Variants in GLTP observed in about 807,000 individuals in gnomAD.
GLTP encodes glycolipid transfer protein.
GLTP carries 22 observed loss-of-function variants against 24.0 expected under a neutral mutation model. The ratio of observed to expected loss-of-function variants is 0.92; its 90% confidence interval spans 0.65 to 1.31. GLTP has a LOEUF of 1.31. Among genes scored for constraint, GLTP ranks in the 50% most tolerant of loss-of-function variants. GLTP has a pLI of 0.00. For synonymous variants in GLTP, 92 were observed against 115.9 expected (o/e 0.79, Z 1.33); for missense variants, 224 against 276.6 (o/e 0.81, Z 1.35).
At position 109,874,405 on chromosome 12, in the gene GLTP, T is replaced by G. The variant is rs1035110617; in HGVS notation, c.103+5867A>C. ...CTTTCTGGGTTCACTCTAGGACTAT[T>G]TAATGCGTGCCGGATACCTAGAAGG... On this transcript the variant is annotated intron_variant, in intron 1 of 4. Transcript: ENST00000318348. Among the ~76,000 whole-genome samples the G allele has an allele frequency of 3.3e-5, 5 of 152,204 alleles. No homozygotes were observed. The South Asian group carries it at 1.0e-3, about 32-fold the overall frequency.
intron 1 of GLTP, among the ~76,000 whole-genome samples, chr12:109,859,205 C>A (rs542686234): frequency 6.6e-6 from 1 of 152,284 alleles, no homozygotes; most frequent in African/African-American, 2.4e-5. Context: ...CAGGCACGCA[C>A]CATCATACCC....
intron 1 of GLTP, among the ~76,000 whole-genome samples, chr12:109,863,809 C>A (rs1432969255): frequency 6.6e-6 from 1 of 151,988 alleles, no homozygotes; most frequent in East Asian, 1.9e-4. Context: ...TCAACCAAAG[C>A]CTTCCAGTGA....
At chr12:109,875,567 A>G (rs761846126) in intron 1 of GLTP, among the ~76,000 whole-genome samples, 2 of 152,218 alleles carry the variant, frequency 1.3e-5, no homozygotes, top group African/African-American at 2.4e-5. Flanking sequence ...TTGACCTTCA[A>G]AATGAGAAAG....
intron 1 of GLTP, among the ~76,000 whole-genome samples, chr12:109,873,831 C>T (rs1868804453): frequency 6.6e-6 from 1 of 152,080 alleles, no homozygotes; most frequent in African/African-American, 2.4e-5. Context: ...CACACACACA[C>T]ACACACACAA....
At chr12:109,856,456 T>G (rs1285915604) in intron 3 of GLTP, among the ~76,000 whole-genome samples, 1 of 152,138 alleles carries the variant, frequency 6.6e-6, no homozygotes, top group African/African-American at 2.4e-5. Context: ...GAGGCTGAGC[T>G]TGGCACAATC....
At chr12:109,878,460 C>T (rs189671056) in intron 1 of GLTP, among the ~76,000 whole-genome samples, 37 of 152,234 alleles carry the variant, frequency 2.4e-4, no homozygotes, top group Middle Eastern at 3.4e-3. Flanking sequence ...ACAAAAATGC[C>T]TCCAGGCATT....
chr12:109,867,387 G>A (rs549692607), intron 1 of GLTP, among the ~76,000 whole-genome samples: 9 of 152,088 alleles, frequency 5.9e-5, no homozygotes, highest in African/African-American at 1.4e-4. Flanking sequence ...GAGCTCAAGC[G>A]ATCCACCCAC....
At position 109,880,498 on chromosome 12, in the gene GLTP, C is replaced by T. The variant is rs987775413; in HGVS notation, c.-124G>A. ...CCGCCGCAGGCTCCGGGGACGCCAG[C>T]GTCGCCACTTCCGCCCGCACGGCGC... On this transcript the variant is annotated 5_prime_UTR_variant, in exon 1 of 5. Transcript: ENST00000318348. This position sits in a 1 kb window ranked among gnomAD's most constrained non-coding sequence, Gnocchi z 5.1. 37 of 226,942 alleles carry T rather than the reference C, an allele frequency of 1.6e-4. No homozygotes were observed. Among genetic ancestry groups the T allele is most frequent in the African/African-American group, 8.4e-4 (36 of 42,720 alleles). 14.1% of individuals were successfully genotyped at this position (226,942 alleles called of 1,614,324 possible).
chr12:109,857,580 T>C lies in GLTP; in HGVS notation c.242A>G (p.Tyr81Cys), dbSNP rs140842833. The C allele has an allele frequency of 1.4e-4, 228 of 1,613,976 alleles. No individual in the cohort carries two copies. The highest frequency in any genetic ancestry group is 1.8e-4 in the Non-Finnish European group (214 of 1,179,974). ...QNILEVEKEMYGAEWPKVGAT... is the reference protein window; with the variant it reads ...QNILEVEKEMCGAEWPKVGAT... Reference sequence around the variant, plus strand: ...CCCTACTTTGGGCCACTCTGCTCCATACATTTCTTTCTCCACCTCCAGGAT... The same window carrying C: ...CCCTACTTTGGGCCACTCTGCTCCACACATTTCTTTCTCCACCTCCAGGAT... The change falls in exon 3 of 5, where the codon TAT becomes TGT. Residue 81 changes from tyrosine to cysteine, a missense_variant. Transcript: ENST00000318348. This position sits in a 1 kb window ranked among gnomAD's most constrained non-coding sequence, Gnocchi z 4.3.
chr12:109,853,274 T>C (rs1196867265), intron 4 of GLTP, among the ~76,000 whole-genome samples: 2 of 152,160 alleles, frequency 1.3e-5, no homozygotes, highest in South Asian at 2.1e-4. Flanking sequence ...CTGTAGTCTC[T>C]CTTTTGTCCT....
intron 4 of GLTP, among the ~76,000 whole-genome samples, chr12:109,854,353 G>A (rs1025946862): frequency 1.2e-4 from 15 of 123,566 alleles, no homozygotes; most frequent in African/African-American, 3.6e-4. Context: ...GCGACAGAGT[G>A]AGACCCTGTC....
In GLTP at chr12:109,855,559, C is replaced by T; in HGVS notation, c.447+60G>A. The T allele has an allele frequency of 6.9e-7, 1 of 1,450,184 alleles. No homozygotes were observed. The allele number at this position is 1,450,184 out of a possible 1,614,324, so 89.8% of individuals were successfully genotyped here. A position where few individuals can be genotyped will look rare whatever the true frequency, so the allele number is the denominator to read the frequency against. ...CCAGGAGGCCTCGGCTAAGCAGGGGCAGAGTGGGGAGCAGAATCTGCAAGC... is the reference window on the plus strand; with the variant it reads ...CCAGGAGGCCTCGGCTAAGCAGGGGTAGAGTGGGGAGCAGAATCTGCAAGC... On this transcript the variant is annotated intron_variant, in intron 4 of 4. Coordinates refer to ENST00000318348, the MANE Select transcript of GLTP (RefSeq NM_016433.4). The surrounding 1 kb of genome is among the most constrained non-coding windows in gnomAD (Gnocchi z 4.1).
rs781217133 is a variant in GLTP, at chr12:109,858,536, T to C, written c.162+147A>G. On this transcript the variant is annotated intron_variant, in intron 2 of 4. Transcript: ENST00000318348. ...GAGGGCAGAGAACATTGAGCCCTGA[T>C]TGGACAAGCTTGGGGCCCATCTTCC... The C allele has an allele frequency of 2.3e-4, 161 of 691,792 alleles. 1 individual carries two copies. Among genetic ancestry groups the C allele is most frequent in the South Asian group, 1.4e-3 (88 of 61,292 alleles). 42.9% of individuals were successfully genotyped at this position (691,792 alleles called of 1,614,324 possible).
chr12:109,853,804 G>A (rs776218798), intron 4 of GLTP, among the ~76,000 whole-genome samples: 20 of 151,480 alleles, frequency 1.3e-4, no homozygotes, highest in Middle Eastern at 6.8e-3. Context: ...AGTCAGTGGC[G>A]TGATCTTGGT....
rs775784984 is a variant in GLTP at position 109,880,336 on chromosome 12, G to C, written c.39C>G (p.Pro13=). The C allele has an allele frequency of 1.1e-5, 17 of 1,603,840 alleles. No individual in the cohort carries two copies. The highest frequency in any genetic ancestry group is 8.1e-5 in the African/African-American group (6 of 74,216). ...LLAEHLLKPL[P]ADKQIETGPF... ...GCCCGGTCTCGATCTGCTTGTCCGC[G>C]GGCAGCGGCTTCAGCAAGTGTTCGG... The change falls in exon 1 of 5, where the codon CCC becomes CCG. Residue 13 remains proline (P), a synonymous_variant. Transcript: ENST00000318348. This position sits in a 1 kb window ranked among gnomAD's most constrained non-coding sequence, Gnocchi z 5.1.
Position 109,852,634 on chromosome 12 carries a change from A to C in GLTP, c.551T>G (p.Leu184Arg). ...EECLEKIRLF[L>R]VNYTATIDVI... ...ATCGATGGTCGCCGTGTAGTTGACT[A>C]GGAAGAGGCGGATCTTCTCCAGGCA... is the stretch of plus-strand genomic sequence containing the variant. The change falls in exon 5 of 5, where the codon CTA becomes CGA. Residue 184 changes from leucine (L) to arginine (R), a missense_variant. By Grantham distance (102) the Leu-to-Arg change is moderately radical. Transcript: ENST00000318348. The C allele has an allele frequency of 6.2e-7, 1 of 1,604,912 alleles. No individual in the cohort carries two copies. The highest frequency in any genetic ancestry group is 8.5e-7 in the Non-Finnish European group (1 of 1,171,632).
intron 1 of GLTP, among the ~76,000 whole-genome samples, chr12:109,877,760 G>T (rs977449989): frequency 6.6e-6 from 1 of 151,982 alleles, no homozygotes; most frequent in African/African-American, 2.4e-5. Flanking sequence ...ACGCTCCCAA[G>T]ATCTAGAAAA....
chr12:109,855,471 G>T lies in GLTP; in HGVS notation c.447+148C>A. ...GGGAGGGGGACCTCTCAGTACACTA[G>T]CCTCACCCAAATAGATGAGGGAGCC... On this transcript the variant is annotated intron_variant, in intron 4 of 4. Transcript: ENST00000318348. This position sits in a 1 kb window ranked among gnomAD's most constrained non-coding sequence, Gnocchi z 4.1. 2 of 621,086 alleles carry T rather than the reference G, an allele frequency of 3.2e-6. No homozygotes were observed. The highest frequency in any genetic ancestry group is 2.6e-5 in the South Asian group (1 of 38,672). 38.5% of individuals were successfully genotyped at this position (621,086 alleles called of 1,614,324 possible).
At chr12:109,858,258 G>T in intron 2 of GLTP, 1 of 458,310 alleles carries the variant, frequency 2.2e-6, no homozygotes, top group Non-Finnish European at 4.4e-6. Context: ...ATGAGATCAT[G>T]CAGTGTGTCC....
Sources: gnomAD v4.1 joint callset for allele counts (sites outside exome capture counted in the v4.1 genomes callset) on GRCh38, gnomAD v4.1.1 for gene constraint, Gnocchi (gnomAD v3.1) non-coding constraint, MANE v1.5 for transcripts, NCBI Gene and HGNC (gene_info 2026-07-23, HGNC 2026-07-21) for gene names.